The following ADAP1 variants were observed in gnomAD, a reference collection of about 807,000 sequenced individuals.
The protein encoded by ADAP1 is arf-GAP with dual PH domain-containing protein 1.
ADAP1 carries 31 observed loss-of-function variants against 54.9 expected under a neutral mutation model. The observed-to-expected ratio is 0.56, with a 90% CI of 0.42 to 0.76. The LOEUF is 0.76. Among genes scored for constraint, ADAP1 ranks in the 30% least tolerant of loss-of-function variants. ADAP1 has a pLI of 0.00. For missense variants in ADAP1, 535 were observed against 512.4 expected (o/e 1.04, Z -0.42); for synonymous variants, 313 against 202.6 (o/e 1.55, Z -4.63).
intron 4 of ADAP1, among the ~76,000 whole-genome samples, chr7:910,605 C>A (rs1307634117): frequency 6.6e-6 from 1 of 152,182 alleles, no homozygotes; most frequent in Non-Finnish European, 1.5e-5. Context: ...ATAGGATATG[C>A]AAAGTAGATG....
intron 6 of ADAP1, among the ~76,000 whole-genome samples, chr7:903,296 C>A (rs1185554395): frequency 1.3e-5 from 2 of 152,046 alleles, no homozygotes; most frequent in Non-Finnish European, 2.9e-5. Context: ...AGGCAGGGGA[C>A]GGGCACGTGG....
intron 4 of ADAP1, 50 bp downstream of exon 4, chr7:919,918 G>A (rs1846119285): frequency 1.4e-6 from 2 of 1,478,458 alleles, no homozygotes; most frequent in Non-Finnish European, 1.8e-6. Flanking sequence ...GGGAGGGAGA[G>A]AGCCAGGGAG....
At chr7:905,620 A>AGGGGAAAG (rs1284852069) in intron 4 of ADAP1, 1 of 77,222 alleles carries the variant, frequency 1.3e-5, no homozygotes, top group Admixed American at 1.8e-4. Context: ...GAAAGGAGAA[A>AGGGGAAAG]GGGAAAGGAG....
At position 898,024 on chromosome 7, in the gene ADAP1, A is replaced by C. The variant is rs1450939523; in HGVS notation, c.*897T>G. The C allele has an allele frequency of 6.6e-6, 1 of 152,238 alleles. No homozygotes were observed. Among genetic ancestry groups the C allele is most frequent in the Non-Finnish European group, 1.5e-5 (1 of 68,054 alleles). 9.4% of individuals were successfully genotyped at this position (152,238 alleles called of 1,614,324 possible). ...GGCTCCCCTGGAACACAGCTCAGCC[A>C]GGCAAGGCTGGGAGAGGGCTGGGCC... On this transcript the variant is annotated 3_prime_UTR_variant, in exon 11 of 11. Transcript: ENST00000265846.
At chr7:903,933 G>A (rs565335547) in intron 6 of ADAP1, 193 bp downstream of exon 6, 83 of 650,854 alleles carry the variant, frequency 1.3e-4, no homozygotes, top group South Asian at 9.0e-4. Flanking sequence ...GCTGCCCGGC[G>A]CCAGTGCCCA....
chr7:954,006 G>A (rs887967274), intron 1 of ADAP1, among the ~76,000 whole-genome samples: 1 of 152,188 alleles, frequency 6.6e-6, no homozygotes, highest in African/African-American at 2.4e-5. Flanking sequence ...GCCCAGCAGA[G>A]ACCTCCGGCT....
At chr7:915,456 A>G (rs549665596) in intron 4 of ADAP1, among the ~76,000 whole-genome samples, 3 of 152,304 alleles carry the variant, frequency 2.0e-5, no homozygotes, top group Non-Finnish European at 4.4e-5. Flanking sequence ...AGAAGCGGCC[A>G]TTCACTCAGC....
At chr7:934,517 G>A (rs775256141) in intron 2 of ADAP1, among the ~76,000 whole-genome samples, 2 of 152,060 alleles carry the variant, frequency 1.3e-5, no homozygotes, top group African/African-American at 2.4e-5. Context: ...GCGGCCCTTC[G>A]GTCCCACTCA....
At chr7:910,188 C>T (rs1316823758) in intron 4 of ADAP1, among the ~76,000 whole-genome samples, 3 of 152,188 alleles carry the variant, frequency 2.0e-5, no homozygotes, top group Non-Finnish European at 4.4e-5. Flanking sequence ...CAGTGAAGCG[C>T]GCACATCACG....
chr7:948,399 C>T (rs1320042290), intron 1 of ADAP1, among the ~76,000 whole-genome samples: 1 of 152,138 alleles, frequency 6.6e-6, no homozygotes, highest in Non-Finnish European at 1.5e-5. Context: ...GCTTCCCTCC[C>T]CGCCGGCCCA....
chr7:920,973 A>AGTCTCCAAGG lies in ADAP1; in HGVS notation c.306-924_306-923insCCTTGGAGAC. 3 of 1,088,946 alleles carry AGTCTCCAAGG rather than the reference A, an allele frequency of 2.8e-6. No homozygotes were observed. Among genetic ancestry groups the AGTCTCCAAGG allele is most frequent in the Non-Finnish European group, 4.0e-6 (3 of 752,934 alleles). 67.5% of individuals were successfully genotyped at this position (1,088,946 alleles called of 1,614,324 possible). On this transcript the variant is annotated intron_variant, in intron 3 of 10. Coordinates refer to ENST00000265846, the MANE Select transcript of ADAP1 (RefSeq NM_006869.4). This position sits in a 1 kb window ranked among gnomAD's most constrained non-coding sequence, Gnocchi z 4.5. ...GGAGACTGGGCGGGAATCCTCGCCC[A>AGTCTCCAAGG]CAGGATCTGATGGGTGATGGGTCCC...
intron 4 of ADAP1, among the ~76,000 whole-genome samples, chr7:915,516 T>C (rs1249038744): frequency 6.6e-6 from 1 of 152,234 alleles, no homozygotes; most frequent in Admixed American, 6.5e-5. Context: ...GCTCCGACCC[T>C]GCGAGCAAGC....
At chr7:929,993 A>T (rs762316915) in intron 2 of ADAP1, among the ~76,000 whole-genome samples, 2 of 149,152 alleles carry the variant, frequency 1.3e-5, no homozygotes, top group African/African-American at 5.0e-5. Flanking sequence ...AGTTCCATCT[A>T]CTCAGGAGGC....
At chr7:902,009 C>G (rs1844842590) in intron 6 of ADAP1, among the ~76,000 whole-genome samples, 1 of 152,136 alleles carries the variant, frequency 6.6e-6, no homozygotes, top group Non-Finnish European at 1.5e-5. Flanking sequence ...GCACTCCACG[C>G]TGGAGCTCTG....
chr7:919,908 G>A (rs1846118404), intron 4 of ADAP1, 60 bp downstream of exon 4: 3 of 1,326,514 alleles, frequency 2.3e-6, no homozygotes, highest in South Asian at 2.5e-5. Flanking sequence ...AGATGGGGGA[G>A]GGAGGGAGAG....
At chr7:899,948 G>C (rs57738878) in intron 8 of ADAP1, among the ~76,000 whole-genome samples, 154 bp downstream of exon 8, 1 of 152,176 alleles carries the variant, frequency 6.6e-6, no homozygotes, top group Admixed American at 6.5e-5. Flanking sequence ...CCGAGTCCTC[G>C]GGGACCCCGG....
Position 919,951 on chromosome 7 carries a change from C to G in ADAP1, c.388+17G>C, listed in dbSNP as rs1328938924. On this transcript the variant is annotated intron_variant, in intron 4 of 10. Transcript: ENST00000265846. ...GAGAGGTAGCCGGGAGGCCCCACCCCACCCGGGTGGCCTCACCTGCCGAGT... is the reference window on the plus strand; with the variant it reads ...GAGAGGTAGCCGGGAGGCCCCACCCGACCCGGGTGGCCTCACCTGCCGAGT... 1 of 1,595,642 alleles carries G rather than the reference C, an allele frequency of 6.3e-7. No individual in the cohort carries two copies. Among genetic ancestry groups the G allele is most frequent in the Admixed American group, 1.7e-5 (1 of 59,202 alleles).
intron 4 of ADAP1, among the ~76,000 whole-genome samples, chr7:906,705 G>GAGAAA (rs1845427468): frequency 6.1e-5 from 2 of 32,582 alleles, no homozygotes; most frequent in African/African-American, 2.7e-4. Flanking sequence ...ATGGACATGG[G>GAGAAA]GGACGGGACA....
chr7:900,473 T>TCCCCCCCCCCCCCC, intron 7 of ADAP1, 60 bp downstream of exon 7: 1 of 1,486,584 alleles, frequency 6.7e-7, no homozygotes, highest in Non-Finnish European at 9.2e-7. Context: ...GAGGGCTCCG[T>TCCCCCCCCCCCCCC]CCACCCCCCA....
Sources: allele counts gnomAD v4.1 joint callset (sites outside exome capture counted in the v4.1 genomes callset), GRCh38; gene constraint gnomAD v4.1.1; non-coding constraint Gnocchi (gnomAD v3.1); transcripts MANE v1.5; gene names NCBI Gene and HGNC (gene_info 2026-07-23, HGNC 2026-07-21).